STRBP: variants seen among roughly 807,000 people sequenced by gnomAD.
STRBP encodes spermatid perinuclear RNA-binding protein.
STRBP carries 13 observed loss-of-function variants against 80.1 expected under a neutral mutation model. That is an observed-to-expected ratio of 0.16 (90% CI 0.11 to 0.26). The LOEUF (loss-of-function observed/expected upper bound fraction) is 0.26. Ranked by LOEUF, STRBP falls within the 10% of genes least tolerant of loss-of-function variation. STRBP has a pLI of 1.00. For missense variants in STRBP, 485 were observed against 815.2 expected, an observed-to-expected ratio of 0.59 and a Z score of 4.93; for synonymous variants, 284 against 291.2, an observed-to-expected ratio of 0.98 and a Z score of 0.25.
intron 2 of STRBP, among the ~76,000 whole-genome samples, chr9:123,189,027 T>A (rs992433978): frequency 1.3e-5 from 2 of 152,034 alleles, no homozygotes; most frequent in African/African-American, 4.8e-5. Flanking sequence ...ATAAACTATG[T>A]GAGATTCAAT....
At chr9:123,232,832 G>GT (rs2040436234) in intron 2 of STRBP, among the ~76,000 whole-genome samples, 1 of 152,186 alleles carries the variant, frequency 6.6e-6, no homozygotes, top group African/African-American at 2.4e-5. Context: ...CTCAGGTTCT[G>GT]TAAGGAAGAC....
At chr9:123,156,270 A>G (rs747317503) in intron 11 of STRBP, among the ~76,000 whole-genome samples, 1 of 152,132 alleles carries the variant, frequency 6.6e-6, no homozygotes, top group East Asian at 1.9e-4. Flanking sequence ...TTGATGTCAC[A>G]TGGGTATGTA....
At position 123,210,828 on chromosome 9, in the gene STRBP, C is replaced by CAA. The variant is rs36057301; in HGVS notation, c.-165+26000_-165+26001dup. ...TGGGCAACAGAGCAAGAATCCGTTT[C>CAA]AAAAAAAAAAAAAGATCAACCAAAT... On this transcript the variant is annotated intron_variant, in intron 2 of 18. Transcript: ENST00000348403. 2.7e-4 allele frequency among the ~76,000 whole-genome samples: 38 copies of CAA among 138,958 alleles called. 1 individual carries two copies. Among genetic ancestry groups the CAA allele is most frequent in the East Asian group, 1.2e-3 (6 of 4,984 alleles). 91.2% of individuals were successfully genotyped at this position (138,958 alleles called of 152,430 possible). A position where few individuals can be genotyped will look rare whatever the true frequency, so the allele number is the denominator to read the frequency against.
rs1228461992 is a variant in STRBP, at chr9:123,122,442, A to T, written c.*3155T>A. 49 of 9,232 alleles carry T rather than the reference A, an allele frequency of 5.3e-3. No individual in the cohort carries two copies. Among genetic ancestry groups the T allele is most frequent in the Middle Eastern group, 0.014 (1 of 70 alleles). The allele number at this position is 9,232 out of a possible 1,614,324, so 0.6% of individuals were successfully genotyped here. Reference sequence around the variant, plus strand: ...ATTTTCAAACATTCACCCAAAATTAAAAAAAAAAAAAAAAAGAAAAGGCCA... The same window carrying T: ...ATTTTCAAACATTCACCCAAAATTATAAAAAAAAAAAAAAAGAAAAGGCCA... On this transcript the variant is annotated 3_prime_UTR_variant, in exon 19 of 19. Transcript: ENST00000348403.
At chr9:123,174,479 G>C (rs1316019137) in intron 4 of STRBP, among the ~76,000 whole-genome samples, 1 of 152,172 alleles carries the variant, frequency 6.6e-6, no homozygotes, top group Non-Finnish European at 1.5e-5. Context: ...GTAGTAATTA[G>C]GCAATTTGTG....
Position 123,133,722 on chromosome 9 carries a change from T to C in STRBP, c.1774-754A>G, listed in dbSNP as rs935195951. 1.5e-4 allele frequency among the ~76,000 whole-genome samples: 23 copies of C among 152,218 alleles called. No individual in the cohort carries two copies. The East Asian group carries it at 4.2e-3, about 28-fold the overall frequency. ...ACCTGGCTAATTTTCGTATTTTTAG[T>C]AGAGACAGGGTTTCACCATGTTGAC... On this transcript the variant is annotated intron_variant, in intron 16 of 18. Coordinates refer to ENST00000348403, the MANE Select transcript of STRBP (RefSeq NM_018387.5).
At chr9:123,119,948 T>G (rs2035703328), downstream of STRBP, among the ~76,000 whole-genome samples, 1 of 152,188 alleles carries the variant, frequency 6.6e-6, no homozygotes, top group Admixed American at 6.5e-5. Context: ...CAAAGATCGC[T>G]GCTTCAAAGC....
intron 2 of STRBP, among the ~76,000 whole-genome samples, chr9:123,217,836 C>T (rs867336496): frequency 1.3e-5 from 2 of 152,210 alleles, no homozygotes; most frequent in African/African-American, 4.8e-5. Flanking sequence ...CTGCCACATA[C>T]GTTTGCTTTT....
chr9:123,162,221 G>C (rs950536254), intron 6 of STRBP, among the ~76,000 whole-genome samples: 2 of 112,082 alleles, frequency 1.8e-5, no homozygotes, highest in Non-Finnish European at 4.5e-5. Flanking sequence ...TTTATTCTGT[G>C]GTTTTTTTCT....
chr9:123,205,639 T>C (rs2039487905), intron 2 of STRBP, among the ~76,000 whole-genome samples: 1 of 152,222 alleles, frequency 6.6e-6, no homozygotes, highest in East Asian at 1.9e-4. Flanking sequence ...TTCACCAATA[T>C]TGTGTCCATA....
intron 13 of STRBP, among the ~76,000 whole-genome samples, chr9:123,144,197 CAA>C (rs957671357): frequency 2.6e-4 from 18 of 69,020 alleles, no homozygotes; most frequent in East Asian, 5.2e-4. Context: ...GACTCCGTCT[CAA>C]AAAAAAAAAA....
intron 13 of STRBP, among the ~76,000 whole-genome samples, chr9:123,142,595 G>C (rs2036635715): frequency 6.6e-6 from 1 of 152,220 alleles, no homozygotes; most frequent in Non-Finnish European, 1.5e-5. Context: ...CCTTCATCCT[G>C]ATGTTTCCTC....
At chr9:123,242,047 G>A (rs561736516) in intron 1 of STRBP, among the ~76,000 whole-genome samples, 4 of 152,156 alleles carry the variant, frequency 2.6e-5, no homozygotes, top group African/African-American at 7.2e-5. Context: ...TGTTCCCTCT[G>A]CCTGGAATAG....
chr9:123,219,041 G>A (rs2039989297), intron 2 of STRBP, among the ~76,000 whole-genome samples: 1 of 152,042 alleles, frequency 6.6e-6, no homozygotes, highest in Non-Finnish European at 1.5e-5. Context: ...TTGAGATTTA[G>A]GTTGGAAGAT....
intron 1 of STRBP, among the ~76,000 whole-genome samples, chr9:123,251,129 G>GTCTGTCTCTGTTTCTTTC (rs893266637): frequency 2.6e-5 from 4 of 151,984 alleles, no homozygotes; most frequent in Non-Finnish European, 4.4e-5. Flanking sequence ...GAACCTCTCT[G>GTCTGTCTCTGTTTCTTTC]TCTGTCTCTG....
intron 1 of STRBP, among the ~76,000 whole-genome samples, chr9:123,244,885 A>C (rs1033680569): frequency 6.6e-6 from 1 of 152,252 alleles, no homozygotes; most frequent in Non-Finnish European, 1.5e-5. Context: ...AGTAATAGCC[A>C]ATATGGAAAC....
chr9:123,159,313 T>C (rs942059661), intron 8 of STRBP, 106 bp from the exon 9 acceptor site: 22 of 702,446 alleles, frequency 3.1e-5, no homozygotes, highest in African/African-American at 2.9e-4. Flanking sequence ...AAGAGTGAAA[T>C]TCAATTTAAC....
intron 1 of STRBP, among the ~76,000 whole-genome samples, chr9:123,255,114 G>A (rs542670078): frequency 6.6e-6 from 1 of 152,242 alleles, no homozygotes; most frequent in East Asian, 1.9e-4. Flanking sequence ...TCCTGCTACA[G>A]GGCTCTGAAA....
At chr9:123,166,380 A>G (rs1337418573) in intron 6 of STRBP, among the ~76,000 whole-genome samples, 1 of 152,206 alleles carries the variant, frequency 6.6e-6, no homozygotes, top group African/African-American at 2.4e-5. Context: ...TCTCTCACTT[A>G]AAACAACTTT....
Sources: allele counts gnomAD v4.1 joint callset (sites outside exome capture counted in the v4.1 genomes callset), GRCh38; gene constraint gnomAD v4.1.1; transcripts MANE v1.5; gene names NCBI Gene and HGNC (gene_info 2026-07-23, HGNC 2026-07-21).